Variants in WDR90 observed in about 807,000 individuals in gnomAD.
The protein encoded by WDR90 is WD repeat-containing protein 90.
WDR90 carries 238 observed loss-of-function variants against 195.2 expected under a neutral mutation model. The ratio of observed to expected loss-of-function variants is 1.22; its 90% CI spans 1.10 to 1.36. The LOEUF (loss-of-function observed/expected upper bound fraction) is 1.36. Among genes scored for constraint, WDR90 ranks in the 40% most tolerant of loss-of-function variants. The probability of loss-of-function intolerance (pLI) is 0.00; values close to 1 mark genes in which losing one functional copy is unlikely to be tolerated. For synonymous variants in WDR90, 1,265 were observed against 1,052.4 expected (o/e 1.20, Z -3.91); for missense variants, 2,734 against 2,439.5 (o/e 1.12, Z -2.54).
chr16:649,052 C>T (rs1292337784), upstream of WDR90: 2 of 246,898 alleles, frequency 8.1e-6, no homozygotes, highest in African/African-American at 4.5e-5. Flanking sequence ...ATGGCCAGGC[C>T]TCAGCGCGAC....
chr16:660,481 C>G, intron 27 of WDR90, 131 bp from the exon 28 acceptor site: 1 of 922,468 alleles, frequency 1.1e-6, no homozygotes, highest in Non-Finnish European at 1.6e-6. Flanking sequence ...CCTACCCCAG[C>G]TTCCCCGTCT....
In WDR90 at chr16:650,338, C is replaced by T. The variant is rs762724122; in HGVS notation, c.364C>T (p.Leu122=). 6.2e-7 allele frequency: 1 copy of T among 1,612,882 alleles called. No homozygotes were observed. The highest frequency in any genetic ancestry group is 1.1e-5 in the South Asian group (1 of 91,082). The part of the protein sequence containing the change: ...TATWLQFPLV[L]EARTPQRDLV... ...CACGTGGCTCCAGTTTCCCTTGGTC[C>T]TGGAGGCCAGGACACCTCAGAGAGG... Residue 122 remains leucine (L), a synonymous_variant, in exon 4 of 41, where the codon CTG becomes TTG. Transcript: ENST00000293879.
At chr16:663,946 G>A (rs1222073029) in intron 34 of WDR90, among the ~76,000 whole-genome samples, 8 of 152,200 alleles carry the variant, frequency 5.3e-5, no homozygotes, top group Non-Finnish European at 1.2e-4. Context: ...TGGGCCCCAC[G>A]GGATTGATTT....
rs1297090530 is a variant in WDR90 at position 662,014 on chromosome 16, G to A, written c.3988G>A (p.Ala1330Thr). ...CCAGGTCTGTGTCTGGGACACGCGT[G>A]CCGGCCGCTGCTTCTTGTCCTGGGA... ...SGQVCVWDTR[A>T]GRCFLSWEAD... The change falls in exon 32 of 41, where the codon GCC becomes ACC. Residue 1330 changes from alanine to threonine, a missense_variant. Physicochemically the swap from Ala to Thr is moderately conservative, Grantham distance 58. Coordinates refer to ENST00000293879, the MANE Select transcript of WDR90 (RefSeq NM_145294.5). 6 of 1,603,434 alleles carry A rather than the reference G, an allele frequency of 3.7e-6. No individual in the cohort carries two copies. Among genetic ancestry groups the A allele is most frequent in the Middle Eastern group, 1.7e-4 (1 of 6,056 alleles).
chr16:658,701 A>G, intron 23 of WDR90, 48 bp downstream of exon 23: 1 of 1,591,056 alleles, frequency 6.3e-7, no homozygotes, highest in Non-Finnish European at 8.6e-7. Context: ...GAGCCTCCTC[A>G]GGTGGCCCTG....
rs3752493 is a variant in WDR90, at chr16:667,523, G to A, written c.5181G>A (p.Pro1727=). ...DNAVHLCRFT[P]SARLLFTAAR... is the part of the protein sequence containing the mutation. Reference sequence around the variant, plus strand: ...CAGTGCACCTGTGCAGGTTTACACCGTCCGCCAGGCTGCTCTTCACGGCCG... The same window carrying A: ...CAGTGCACCTGTGCAGGTTTACACCATCCGCCAGGCTGCTCTTCACGGCCG... Residue 1727 remains proline (P), a synonymous_variant, in exon 41 of 41, where the codon CCG becomes CCA. Transcript: ENST00000293879. 4 of 1,612,122 alleles carry A rather than the reference G, an allele frequency of 2.5e-6. No individual in the cohort carries two copies. The highest frequency in any genetic ancestry group is 3.4e-6 in the Non-Finnish European group (4 of 1,179,830).
At chr16:649,711 G>T (rs1038401195) in intron 1 of WDR90, 52 bp from the exon 2 acceptor site, 9 of 1,519,416 alleles carry the variant, frequency 5.9e-6, no homozygotes, top group Non-Finnish European at 8.0e-6. Context: ...CCCCGCAGTG[G>T]CCCCGGCTCG....
intron 5 of WDR90, 79 bp downstream of exon 5, chr16:650,788 T>G: frequency 6.4e-7 from 1 of 1,556,564 alleles, no homozygotes. Flanking sequence ...CCAGGGTGCT[T>G]GGGAAAATAC....
chr16:651,839 G>C lies in WDR90; in HGVS notation c.853G>C (p.Ala285Pro), dbSNP rs372370053. The change falls in exon 9 of 41, where the codon GCC becomes CCC. Residue 285 changes from alanine (A) to proline (P), a missense_variant. Transcript: ENST00000293879. ...TPSPTASGRA[A>P]LAPRPFPEVS... The stretch of plus-strand genomic sequence containing the variant: ...TGTCCCCCAGCAGTCCGGCCGGGCC[G>C]CCTTGGCACCCAGGCCCTTCCCGGA... 6.2e-7 allele frequency: 1 copy of C among 1,610,172 alleles called. No individual in the cohort carries two copies. The highest frequency in any genetic ancestry group is 8.5e-7 in the Non-Finnish European group (1 of 1,179,732).
chr16:657,996 G>A (rs2151263599), intron 21 of WDR90, 104 bp downstream of exon 21: 1 of 1,458,112 alleles, frequency 6.9e-7, no homozygotes, highest in Non-Finnish European at 9.1e-7. Flanking sequence ...CCCAGGCCCT[G>A]TCCCGCCTCC....
Position 667,685 on chromosome 16 carries a change from T to A in WDR90, c.*96T>A. 2 of 1,551,478 alleles carry A rather than the reference T, an allele frequency of 1.3e-6. No homozygotes were observed. Among genetic ancestry groups the A allele is most frequent in the Non-Finnish European group, 1.7e-6 (2 of 1,148,594 alleles). On this transcript the variant is annotated 3_prime_UTR_variant, in exon 41 of 41. Transcript: ENST00000293879. ...AGGCGCCAGGTTGTCAATGGCCTCA[T>A]GCTGGGACAGGCCAGGATTCACGTA...
intron 10 of WDR90, among the ~76,000 whole-genome samples, chr16:652,749 C>T (rs530398057): frequency 1.4e-4 from 21 of 152,320 alleles, no homozygotes; most frequent in African/African-American, 2.2e-4. Context: ...TCCTGGTGCC[C>T]GGGGGCTCTC....
In WDR90 at chr16:650,686, C is replaced by T; in HGVS notation, c.536C>T (p.Thr179Ile). Residue 179 changes from threonine (T) to isoleucine (I), a missense_variant, in exon 5 of 41, where the codon ACC (threonine) becomes ATC (isoleucine). Transcript: ENST00000293879. ...CASLLVRNLY[T>I]SDLCFEPAIS... ...AGCCTGCTGGTCAGGAACCTGTACA[C>T]CAGTGACCTGTGCTTTGAGCCTGGT... 5.6e-6 allele frequency: 9 copies of T among 1,610,946 alleles called. No individual in the cohort carries two copies. The highest frequency in any genetic ancestry group is 6.8e-6 in the Non-Finnish European group (8 of 1,178,428).
At chr16:664,526 C>T (rs978898875) in intron 34 of WDR90, among the ~76,000 whole-genome samples, 42 of 152,250 alleles carry the variant, frequency 2.8e-4, no homozygotes, top group Middle Eastern at 3.4e-3. Flanking sequence ...TGTGGAAGTG[C>T]GAGGAATTCT....
chr16:656,991 T>C, intron 19 of WDR90, 100 bp from the exon 20 acceptor site: 1 of 1,558,916 alleles, frequency 6.4e-7, no homozygotes, highest in Non-Finnish European at 8.6e-7. Context: ...TGCTGCCCCA[T>C]GGGGACTTCC....
chr16:649,900 C>G, intron 2 of WDR90, 46 bp downstream of exon 2: 10 of 1,584,868 alleles, frequency 6.3e-6, no homozygotes, highest in Non-Finnish European at 8.6e-6. Context: ...CTGCCCTGCC[C>G]CCAGGAGAGC....
chr16:664,271 C>T (rs2037979273), intron 34 of WDR90, among the ~76,000 whole-genome samples: 1 of 152,212 alleles, frequency 6.6e-6, no homozygotes, highest in African/African-American at 2.4e-5. Context: ...CGTTGAGTGG[C>T]TTTCTGTGTC....
chr16:665,611 G>A, intron 34 of WDR90, 68 bp from the exon 35 acceptor site: 1 of 1,609,208 alleles, frequency 6.2e-7, no homozygotes, highest in Non-Finnish European at 8.5e-7. Context: ...GGCTGGAATA[G>A]GAAATGCCTG....
At chr16:658,010 C>T (rs889595850) in intron 21 of WDR90, 118 bp downstream of exon 21, 109 of 1,453,160 alleles carry the variant, frequency 7.5e-5, no homozygotes, top group Non-Finnish European at 9.5e-5. Context: ...CGCCTCCTGT[C>T]GCAGAGTACA....
Sources: allele counts gnomAD v4.1 joint callset (sites outside exome capture counted in the v4.1 genomes callset), GRCh38; gene constraint gnomAD v4.1.1; transcripts MANE v1.5; gene names NCBI Gene and HGNC (gene_info 2026-07-23, HGNC 2026-07-21).